Variants in USH2A observed in about 807,000 individuals in gnomAD.
The protein encoded by USH2A is Usher syndrome 2A (autosomal recessive, mild).
USH2A carries 443 observed loss-of-function variants against 538.9 expected under a neutral mutation model. That is an observed-to-expected ratio of 0.82 (90% CI 0.76 to 0.89). The LOEUF is 0.89. Among genes scored for constraint, USH2A ranks in the 40% least tolerant of loss-of-function variants. The pLI, the probability that USH2A is intolerant of heterozygous loss-of-function variation, is 0.00. For synonymous variants in USH2A, 2,413 were observed against 2,273.5 expected (o/e 1.06, Z -1.75); for missense variants, 6,633 against 6,324.8 (o/e 1.05, Z -1.65).
intron 47 of USH2A, among the ~76,000 whole-genome samples, chr1:215,836,488 T>TATATTATA (rs1553267731): frequency 1.4e-4 from 3 of 20,810 alleles, no homozygotes; most frequent in African/African-American, 2.8e-4. Context: ...ATAATATATA[T>TATATTATA]TATATATATA....
chr1:215,695,386 G>A (rs1658771661), intron 61 of USH2A, among the ~76,000 whole-genome samples: 2 of 152,096 alleles, frequency 1.3e-5, no homozygotes, highest in South Asian at 2.1e-4. Context: ...TGAAGCATGA[G>A]ATATGATTAT....
chr1:216,371,202 C>A (rs1252677824), intron 3 of USH2A, among the ~76,000 whole-genome samples: 5 of 152,220 alleles, frequency 3.3e-5, no homozygotes, highest in Non-Finnish European at 7.3e-5. Flanking sequence ...CTGCACCAAA[C>A]AAATTTAATC....
chr1:216,394,184 T>G (rs2039162060), intron 3 of USH2A, among the ~76,000 whole-genome samples: 1 of 150,076 alleles, frequency 6.7e-6, no homozygotes, highest in Non-Finnish European at 1.5e-5. Flanking sequence ...TACCAAGTGC[T>G]GGCCAGGATG....
chr1:216,246,339 T>C (rs775246517), intron 13 of USH2A, among the ~76,000 whole-genome samples: 3 of 152,192 alleles, frequency 2.0e-5, no homozygotes, highest in African/African-American at 7.2e-5. Context: ...AAATTGAGTC[T>C]CAATTATGAA....
At chr1:215,989,460 C>A (rs1238693787) in intron 35 of USH2A, among the ~76,000 whole-genome samples, 1 of 152,080 alleles carries the variant, frequency 6.6e-6, no homozygotes, top group Non-Finnish European at 1.5e-5. Context: ...TCCCCGAGGA[C>A]TCTGATATCC....
chr1:215,847,915 A>G (rs1663908670), intron 44 of USH2A, among the ~76,000 whole-genome samples: 1 of 152,258 alleles, frequency 6.6e-6, no homozygotes. Flanking sequence ...CTTTAGCTCT[A>G]GAAATAGTTA....
chr1:216,194,333 G>C (rs2034789531), intron 19 of USH2A: 1 of 151,928 alleles, frequency 6.6e-6, no homozygotes, highest in Non-Finnish European at 1.5e-5. Flanking sequence ...TCACTGGTTT[G>C]GTGGAATTAG....
intron 57 of USH2A, among the ~76,000 whole-genome samples, chr1:215,759,054 C>T (rs1471308866): frequency 6.6e-6 from 1 of 152,158 alleles, no homozygotes; most frequent in Non-Finnish European, 1.5e-5. Flanking sequence ...AATTAATCTT[C>T]CCCATTTTTA....
Position 216,175,263 on chromosome 1 carries a change from G to A in USH2A, c.4616C>T (p.Thr1539Ile), listed in dbSNP as rs758095361. ...KFPSSTHPVN[T>I]DFTGIKASFR... ...TCAAACACACTTACCAGTGAAGTCT[G>A]TATTGACTGGGTGAGTGGAGCTGGG... The change falls in exon 21 of 72, where the codon ACA (threonine) becomes ATA (isoleucine). Residue 1539 changes from threonine to isoleucine, a missense_variant. By Grantham distance (89) the Thr-to-Ile change is moderately conservative. Coordinates refer to ENST00000307340, the MANE Select transcript of USH2A (RefSeq NM_206933.4). The A allele has an allele frequency of 2.4e-5, 39 of 1,613,546 alleles. No homozygotes were observed. In the East Asian group the frequency reaches 8.7e-4, roughly 36 times the overall value.
intron 51 of USH2A, 136 bp from the exon 52 acceptor site, chr1:215,787,010 A>G: frequency 8.5e-6 from 7 of 823,828 alleles, no homozygotes; most frequent in Non-Finnish European, 1.3e-5. Flanking sequence ...CAAAATTTAT[A>G]AAAAGAAATG....
At chr1:215,878,338 G>A (rs1041445234) in intron 42 of USH2A, among the ~76,000 whole-genome samples, 21 of 152,036 alleles carry the variant, frequency 1.4e-4, no homozygotes, top group African/African-American at 4.3e-4. Context: ...TTCTTTCATC[G>A]TATCGGGCTC....
intron 49 of USH2A, among the ~76,000 whole-genome samples, chr1:215,800,977 T>C (rs562945743): frequency 1.3e-5 from 2 of 152,198 alleles, no homozygotes; most frequent in South Asian, 2.1e-4. Context: ...TGGGTCAATA[T>C]ATGAAAATTT....
intron 4 of USH2A, among the ~76,000 whole-genome samples, chr1:216,348,866 A>C (rs1382330896): frequency 2.0e-5 from 3 of 152,110 alleles, no homozygotes. Context: ...TACTATTCAA[A>C]AAAAACCAAA....
intron 50 of USH2A, among the ~76,000 whole-genome samples, chr1:215,792,122 C>G (rs1661999542): frequency 6.6e-6 from 1 of 152,086 alleles, no homozygotes; most frequent in South Asian, 2.1e-4. Context: ...CCTCTCATTC[C>G]CAAATTACTT....
At chr1:216,368,482 C>T (rs1330850905) in intron 3 of USH2A, among the ~76,000 whole-genome samples, 1 of 152,122 alleles carries the variant, frequency 6.6e-6, no homozygotes, top group Non-Finnish European at 1.5e-5. Flanking sequence ...AATACCTGTG[C>T]TGAATTTGTT....
At chr1:215,878,665 G>T in intron 42 of USH2A, 99 bp downstream of exon 42, 1 of 1,247,336 alleles carries the variant, frequency 8.0e-7, no homozygotes, top group Non-Finnish European at 1.1e-6. Flanking sequence ...TGCCAAATTA[G>T]TTCTATGTTC....
chr1:215,884,459 C>T (rs528728743), intron 41 of USH2A, among the ~76,000 whole-genome samples: 42 of 152,192 alleles, frequency 2.8e-4, no homozygotes, highest in African/African-American at 9.9e-4. Flanking sequence ...GGTGTGAATT[C>T]CAACTCTTAC....
At chr1:215,922,845 T>G (rs1229025654) in intron 38 of USH2A, among the ~76,000 whole-genome samples, 1 of 152,082 alleles carries the variant, frequency 6.6e-6, no homozygotes, top group Admixed American at 6.6e-5. Flanking sequence ...TAAAGTTACT[T>G]AAGTCAGACC....
intron 3 of USH2A, among the ~76,000 whole-genome samples, chr1:216,372,088 T>C (rs2038725887): frequency 6.6e-6 from 1 of 152,204 alleles, no homozygotes; most frequent in Non-Finnish European, 1.5e-5. Context: ...CCCACAAATA[T>C]TTGTAATGTT....
Sources: allele counts gnomAD v4.1 joint callset (sites outside exome capture counted in the v4.1 genomes callset), GRCh38; gene constraint gnomAD v4.1.1; transcripts MANE v1.5; gene names NCBI Gene and HGNC (gene_info 2026-07-23, HGNC 2026-07-21).